ZNF365: variants seen among roughly 807,000 people sequenced by gnomAD.
The protein encoded by ZNF365 is protein ZNF365.
ZNF365 carries 22 observed loss-of-function variants against 35.0 expected under a neutral mutation model. That is an observed-to-expected ratio of 0.63 (90% confidence interval 0.45 to 0.90). The LOEUF (loss-of-function observed/expected upper bound fraction) is 0.90, where lower values mean the gene tolerates loss of function less well. ZNF365 is among the 40% of genes least tolerant of loss of function. ZNF365 has a pLI of 0.00. For missense variants in ZNF365, 448 were observed against 500.3 expected, an observed-to-expected ratio of 0.90 and a Z score of 1.00; for synonymous variants, 188 against 196.2, an observed-to-expected ratio of 0.96 and a Z score of 0.35.
chr10:62,452,063 G>A (rs996804527), intron 3 of ZNF365, among the ~76,000 whole-genome samples: 1 of 152,206 alleles, frequency 6.6e-6, no homozygotes, highest in Non-Finnish European at 1.5e-5. Context: ...GGGAAGTTGT[G>A]ATTCCCGAAG....
At chr10:62,475,321 C>A (rs547900301) in intron 4 of ZNF365, among the ~76,000 whole-genome samples, 2 of 152,260 alleles carry the variant, frequency 1.3e-5, no homozygotes, top group South Asian at 4.1e-4. Flanking sequence ...TACTCAGGTG[C>A]TCTGGTGGGA....
chr10:62,445,708 C>T (rs1455416900), intron 3 of ZNF365, among the ~76,000 whole-genome samples: 4 of 152,208 alleles, frequency 2.6e-5, no homozygotes, highest in African/African-American at 7.2e-5. Flanking sequence ...ATTTTCTCTA[C>T]TTTTGTGTAT....
At chr10:62,465,215 G>T (rs1039562428) in intron 4 of ZNF365, among the ~76,000 whole-genome samples, 5 of 152,206 alleles carry the variant, frequency 3.3e-5, no homozygotes, top group Admixed American at 2.0e-4. Flanking sequence ...TGGTCAGGTT[G>T]CACATGCTTG....
chr10:62,422,648 A>G (rs145388594), intron 3 of ZNF365, among the ~76,000 whole-genome samples: 1 of 152,286 alleles, frequency 6.6e-6, no homozygotes, highest in East Asian at 1.9e-4. Context: ...GCCATGCTCT[A>G]TTCTGAAAAT....
At chr10:62,414,879 T>C (rs1474331815) in intron 3 of ZNF365, among the ~76,000 whole-genome samples, 1 of 151,994 alleles carries the variant, frequency 6.6e-6, no homozygotes, top group Non-Finnish European at 1.5e-5. Flanking sequence ...TTTTTCTATA[T>C]TTTCCATTCC....
chr10:62,421,766 A>G (rs1018959829), intron 3 of ZNF365, among the ~76,000 whole-genome samples: 6 of 152,214 alleles, frequency 3.9e-5, no homozygotes, highest in African/African-American at 1.4e-4. Context: ...CTGCAGAGCT[A>G]TTGATTTCTT....
intron 4 of ZNF365, among the ~76,000 whole-genome samples, chr10:62,471,900 T>G (rs1410611382): frequency 6.6e-6 from 1 of 152,224 alleles, no homozygotes; most frequent in Non-Finnish European, 1.5e-5. Flanking sequence ...TTCTAAAAAT[T>G]GTTACATGTT....
At chr10:62,428,120 C>A (rs1276287661) in intron 3 of ZNF365, among the ~76,000 whole-genome samples, 1 of 152,100 alleles carries the variant, frequency 6.6e-6, no homozygotes, top group East Asian at 1.9e-4. Context: ...CGTGTCAGGA[C>A]ACAAATATTA....
intron 3 of ZNF365, among the ~76,000 whole-genome samples, chr10:62,416,751 C>T (rs574422967): frequency 6.6e-6 from 1 of 152,052 alleles, no homozygotes; most frequent in Non-Finnish European, 1.5e-5. Context: ...GAATATTAGC[C>T]TTATACTTAC....
At chr10:62,478,809 C>T (rs1344036777) in intron 4 of ZNF365, among the ~76,000 whole-genome samples, 4 of 152,250 alleles carry the variant, frequency 2.6e-5, no homozygotes, top group Non-Finnish European at 5.9e-5. Flanking sequence ...CTCCTGACCT[C>T]GTGATCTGCC....
intron 3 of ZNF365, among the ~76,000 whole-genome samples, chr10:62,436,428 A>T (rs1840408684): frequency 6.6e-6 from 1 of 152,202 alleles, no homozygotes; most frequent in South Asian, 2.1e-4. Context: ...TGGCAAAAAA[A>T]TAAATAACAA....
intron 3 of ZNF365, among the ~76,000 whole-genome samples, chr10:62,425,850 G>A (rs1229131516): frequency 1.3e-5 from 2 of 152,176 alleles, no homozygotes; most frequent in Admixed American, 1.3e-4. Context: ...ATATGGTGCT[G>A]ACTGCTATAG....
In ZNF365 at chr10:62,424,135, C is replaced by A. The variant is rs78090075; in HGVS notation, c.924+35559C>A. Among the ~76,000 whole-genome samples, 108 of 152,170 alleles carry A rather than the reference C, an allele frequency of 7.1e-4. No individual in the cohort carries two copies. The East Asian group carries it at 0.02, about 28-fold the overall frequency. On this transcript the variant is annotated intron_variant, in intron 3 of 4. Transcript: ENST00000395255. Reference sequence around the variant, plus strand: ...AAGAACAAAACATGATTGATCAGACCAAATTTCTGAGAACTCTATTAATTT... The same window carrying A: ...AAGAACAAAACATGATTGATCAGACAAAATTTCTGAGAACTCTATTAATTT...
chr10:62,403,378 G>A (rs1234603473), downstream of ZNF365, among the ~76,000 whole-genome samples: 3 of 152,278 alleles, frequency 2.0e-5, no homozygotes, highest in East Asian at 1.9e-4. Context: ...AACTGGACCC[G>A]CCGGGTGCGG....
rs1336716680 is a variant in ZNF365 at position 62,388,586 on chromosome 10, C to T, written c.924+10C>T. 6.2e-7 allele frequency: 1 copy of T among 1,612,784 alleles called. No individual in the cohort carries two copies. The highest frequency in any genetic ancestry group is 1.1e-5 in the South Asian group (1 of 91,020). ...TCTCAGCGGGCACGTGGTGAGTCAC[C>T]CCGGGCCAGCCACCGAGTGTAAGAT... On this transcript the variant is annotated intron_variant, in intron 3 of 4. Transcript: ENST00000395254.
At chr10:62,453,380 C>A (rs941481971) in intron 3 of ZNF365, among the ~76,000 whole-genome samples, 7 of 152,188 alleles carry the variant, frequency 4.6e-5, no homozygotes, top group African/African-American at 1.7e-4. Context: ...ACAGAACAGG[C>A]TGTATTTGTC....
Position 62,445,994 on chromosome 10 carries a change from G to A in ZNF365, c.925-13747G>A, listed in dbSNP as rs1021844791. Reference sequence around the variant, plus strand: ...TTATAGATTGGGTTGAGCTGATTTGGCCAAATCTATTGGTCTTTTTTGAGC... The same window carrying A: ...TTATAGATTGGGTTGAGCTGATTTGACCAAATCTATTGGTCTTTTTTGAGC... On this transcript the variant is annotated intron_variant, in intron 3 of 4. Transcript: ENST00000395255. Among the ~76,000 whole-genome samples, 6 of 152,186 alleles carry A rather than the reference G, an allele frequency of 3.9e-5. No individual in the cohort carries two copies. In the East Asian group the frequency reaches 1.2e-3, roughly 29 times the overall value.
chr10:62,423,137 A>G (rs960465678), intron 3 of ZNF365, among the ~76,000 whole-genome samples: 2 of 97,126 alleles, frequency 2.1e-5, no homozygotes, highest in African/African-American at 6.4e-5. Context: ...TCAATTTCCA[A>G]ACTGTGTTCT....
At chr10:62,449,053 A>G (rs1359710085) in intron 3 of ZNF365, among the ~76,000 whole-genome samples, 1 of 152,206 alleles carries the variant, frequency 6.6e-6, no homozygotes, top group Non-Finnish European at 1.5e-5. Flanking sequence ...AATGTGGAAA[A>G]TGTTGAATCC....
Sources: allele counts gnomAD v4.1 joint callset (sites outside exome capture counted in the v4.1 genomes callset), GRCh38; gene constraint gnomAD v4.1.1; transcripts MANE v1.5; gene names NCBI Gene and HGNC (gene_info 2026-07-23, HGNC 2026-07-21).